Variants in MICAL3 observed in about 807,000 individuals in gnomAD.
MICAL3 encodes the protein microtubule associated monooxygenase, calponin and LIM domain containing 3.
MICAL3 carries 62 observed loss-of-function variants against 207.4 expected under a neutral mutation model. That is an observed-to-expected ratio of 0.30 (90% CI 0.24 to 0.37). The LOEUF is 0.37. Ranked by LOEUF, MICAL3 falls within the 10% of genes least tolerant of loss-of-function variation. The pLI is 1.00. For missense variants in MICAL3, 2,368 were observed against 2,635.6 expected, an observed-to-expected ratio of 0.90 and a Z score of 2.22; for synonymous variants, 1,077 against 1,069.3, an observed-to-expected ratio of 1.01 and a Z score of -0.14.
chr22:17,955,628 A>C (rs994224758), intron 1 of MICAL3, among the ~76,000 whole-genome samples: 1 of 152,188 alleles, frequency 6.6e-6, no homozygotes, highest in Non-Finnish European at 1.5e-5. Context: ...AACATCCCAT[A>C]ATATCCTCAT....
chr22:17,960,938 G>A (rs1344515626), intron 1 of MICAL3, among the ~76,000 whole-genome samples: 3 of 152,150 alleles, frequency 2.0e-5, no homozygotes, highest in East Asian at 1.9e-4. Context: ...GCAACGAGAC[G>A]GTGCGGGACC....
intron 1 of MICAL3, among the ~76,000 whole-genome samples, chr22:17,925,249 A>G (rs1932890881): frequency 1.3e-5 from 2 of 152,252 alleles, no homozygotes; most frequent in Admixed American, 1.3e-4. Context: ...CAGGAAACCA[A>G]AGGACTCAGA....
Position 17,920,038 on chromosome 22 carries a change from A to C in MICAL3, c.-74-13152T>G, listed in dbSNP as rs185010726. 1.1e-3 allele frequency among the ~76,000 whole-genome samples: 162 copies of C among 152,356 alleles called. 1 individual carries two copies. The highest frequency in any genetic ancestry group is 1.8e-3 in the Admixed American group (28 of 15,302). On this transcript the variant is annotated intron_variant, in intron 1 of 31. Coordinates refer to ENST00000441493, the MANE Select transcript of MICAL3 (RefSeq NM_015241.3). ...ATGAGAAAGCCACGAAGCTGCCACAAGCCCAGGTGTCAGACAAGGCAACAT... is the reference window on the plus strand; with the variant it reads ...ATGAGAAAGCCACGAAGCTGCCACACGCCCAGGTGTCAGACAAGGCAACAT...
intron 1 of MICAL3, among the ~76,000 whole-genome samples, chr22:18,000,553 C>T (rs1304360427): frequency 3.3e-5 from 5 of 152,210 alleles, no homozygotes; most frequent in African/African-American, 1.2e-4. Context: ...GCATGCCAGG[C>T]GGAGGGTCTC....
chr22:17,801,658 C>T (rs2061941084), intron 29 of MICAL3, among the ~76,000 whole-genome samples: 1 of 151,346 alleles, frequency 6.6e-6, no homozygotes, highest in Non-Finnish European at 1.5e-5. Context: ...CTTTGGGAGG[C>T]TGAGGCGGGC....
At chr22:17,810,584 C>G in intron 28 of MICAL3, 119 bp downstream of exon 28, 1 of 761,834 alleles carries the variant, frequency 1.3e-6, no homozygotes, top group Non-Finnish European at 2.2e-6. Flanking sequence ...GCAGGGAGGC[C>G]CGTCTACCTC....
chr22:17,988,746 G>C (rs969181685), intron 1 of MICAL3, among the ~76,000 whole-genome samples: 1 of 152,190 alleles, frequency 6.6e-6, no homozygotes, highest in Non-Finnish European at 1.5e-5. Flanking sequence ...ATGAGCCACC[G>C]CGCCTGGCCT....
intron 19 of MICAL3, chr22:17,864,697 A>C (rs1460066517): frequency 1.2e-6 from 2 of 1,611,926 alleles, no homozygotes. Context: ...TCTGATTTGC[A>C]CCAGCACCTC....
rs953627921 is a variant in MICAL3, at chr22:17,788,682, G to A, written c.*2050C>T. ...AGACCTTTGCCTCACGTGAGAACAG[G>A]TGGAGAATCAGCGCTGTGGCGGCCA... On this transcript the variant is annotated 3_prime_UTR_variant, in exon 32 of 32. Coordinates refer to ENST00000441493, the MANE Select transcript of MICAL3 (RefSeq NM_015241.3). 2 of 152,308 alleles carry A rather than the reference G, an allele frequency of 1.3e-5. No homozygotes were observed. Among genetic ancestry groups the A allele is most frequent in the Non-Finnish European group, 2.9e-5 (2 of 68,070 alleles). The allele number at this position is 152,308 out of a possible 1,614,324, so 9.4% of individuals were successfully genotyped here. A position where few individuals can be genotyped will look rare whatever the true frequency, so the allele number is the denominator to read the frequency against.
chr22:17,953,528 G>C (rs1044296603), intron 1 of MICAL3, among the ~76,000 whole-genome samples: 1 of 152,154 alleles, frequency 6.6e-6, no homozygotes, highest in Non-Finnish European at 1.5e-5. Flanking sequence ...CTGTCCTGCT[G>C]TCTGGACATG....
chr22:17,827,780 G>T lies in MICAL3; in HGVS notation c.3057C>A (p.Ala1019=). ...TGACCTGCTGGAGCCTCTGGTTCCC[G>T]GCTAGTGTCCCAGGGTCAAGGGGTG... The part of the protein sequence containing the change: ...YDEEEEESSE[A]GNQRLQQVMH... The change falls in exon 22 of 32, where the codon GCC becomes GCA. Residue 1019 remains alanine (A), a splice_region_variant and synonymous_variant. Coordinates refer to ENST00000441493, the MANE Select transcript of MICAL3 (RefSeq NM_015241.3). 1 of 1,547,294 alleles carries T rather than the reference G, an allele frequency of 6.5e-7. No individual in the cohort carries two copies. The highest frequency in any genetic ancestry group is 8.7e-7 in the Non-Finnish European group (1 of 1,145,004).
intron 1 of MICAL3, among the ~76,000 whole-genome samples, chr22:17,929,265 ATTTTTTT>A (rs71201889): frequency 7.5e-6 from 1 of 133,446 alleles, no homozygotes; most frequent in Non-Finnish European, 1.6e-5. Context: ...CGCCTGGCTA[ATTTTTTT>A]TTTTTTTTTT....
At chr22:17,806,620 G>C (rs533504266) in intron 29 of MICAL3, among the ~76,000 whole-genome samples, 1 of 152,296 alleles carries the variant, frequency 6.6e-6, no homozygotes, top group Admixed American at 6.5e-5. Context: ...GTGTGTACTG[G>C]CTGGATGCCG....
At chr22:17,830,872 A>G (rs1355337842) in intron 21 of MICAL3, among the ~76,000 whole-genome samples, 1 of 152,154 alleles carries the variant, frequency 6.6e-6, no homozygotes, top group Non-Finnish European at 1.5e-5. Flanking sequence ...TGGGGCCAAC[A>G]TCCTGGAGCT....
intron 16 of MICAL3, chr22:17,875,384 G>T: frequency 1.9e-6 from 2 of 1,063,168 alleles, no homozygotes; most frequent in South Asian, 1.7e-5. Context: ...CATGACACTT[G>T]CGAAAGTGAC....
chr22:17,837,047 G>A (rs936342399), intron 20 of MICAL3, among the ~76,000 whole-genome samples: 1 of 152,238 alleles, frequency 6.6e-6, no homozygotes, highest in Non-Finnish European at 1.5e-5. Context: ...GTTGGGCCAT[G>A]CCCCTAGGTT....
At chr22:17,999,146 T>C (rs1922647274) in intron 1 of MICAL3, among the ~76,000 whole-genome samples, 1 of 152,134 alleles carries the variant, frequency 6.6e-6, no homozygotes, top group African/African-American at 2.4e-5. Flanking sequence ...CCTGGACATG[T>C]GAAACCAACG....
rs559943594 is a variant in MICAL3, at chr22:17,805,832, G to C, written c.5650+3012C>G. Among the ~76,000 whole-genome samples the C allele has an allele frequency of 4.6e-5, 7 of 152,290 alleles. No individual in the cohort carries two copies. The South Asian group carries it at 1.5e-3, about 32-fold the overall frequency. Reference sequence around the variant, plus strand: ...CAACCTCCACCTCCCAGGTTCAAGCGATTCTCCTGCCTCAGCCTCCCGAGT... The same window carrying C: ...CAACCTCCACCTCCCAGGTTCAAGCCATTCTCCTGCCTCAGCCTCCCGAGT... On this transcript the variant is annotated intron_variant, in intron 29 of 31. Coordinates refer to ENST00000441493, the MANE Select transcript of MICAL3 (RefSeq NM_015241.3).
chr22:17,956,011 C>T (rs78087551), intron 1 of MICAL3, among the ~76,000 whole-genome samples: 1 of 152,196 alleles, frequency 6.6e-6, no homozygotes, highest in Non-Finnish European at 1.5e-5. Context: ...TTTATGAGCA[C>T]AAGGGAAGAA....
Sources: gnomAD v4.1 joint callset for allele counts (sites outside exome capture counted in the v4.1 genomes callset) on GRCh38, gnomAD v4.1.1 for gene constraint, MANE v1.5 for transcripts, NCBI Gene and HGNC (gene_info 2026-07-23, HGNC 2026-07-21) for gene names.